ARID3B: variants seen among roughly 807,000 people sequenced by gnomAD.
ARID3B encodes the protein AT-rich interactive domain-containing protein 3B.
In ARID3B, 10 loss-of-function variants were observed where a neutral mutation model predicts 51.9. The ratio of observed to expected loss-of-function variants is 0.19; its 90% CI spans 0.12 to 0.33. The LOEUF (loss-of-function observed/expected upper bound fraction) is 0.33, where lower values mean the gene tolerates loss of function less well. ARID3B is among the 10% of genes least tolerant of loss of function. The pLI is 1.00. For missense variants in ARID3B, 483 were observed against 716.3 expected (o/e 0.67, Z 3.72); for synonymous variants, 205 against 279.5 (o/e 0.73, Z 2.66).
chr15:74,571,447 A>G, intron 2 of ARID3B, among the ~76,000 whole-genome samples: 1 of 152,188 alleles, frequency 6.6e-6, no homozygotes, highest in East Asian at 1.9e-4. Context: ...GGAGAAATGA[A>G]TATGACAGGT....
chr15:74,577,311 T>TA (rs879589906), intron 4 of ARID3B, among the ~76,000 whole-genome samples: 132 of 137,646 alleles, frequency 9.6e-4, no homozygotes, highest in Middle Eastern at 7.3e-3. Context: ...CCCTGTAATT[T>TA]AAAAAAAAAA....
intron 2 of ARID3B, among the ~76,000 whole-genome samples, chr15:74,568,488 GT>G (rs1243297090): frequency 6.6e-6 from 1 of 152,140 alleles, no homozygotes; most frequent in Non-Finnish European, 1.5e-5. Context: ...TTGAGCCATT[GT>G]TTTCCCATTT....
chr15:74,543,823 T>TC (rs1171991560), intron 1 of ARID3B, 37 bp from the exon 2 acceptor site: 14 of 1,388,434 alleles, frequency 1.0e-5, no homozygotes, highest in Non-Finnish European at 1.2e-5. Flanking sequence ...GGTTGTTTTT[T>TC]CCCCCTCCTT....
Position 74,559,342 on chromosome 15 carries a change from G to A in ARID3B, c.553-13520G>A, listed in dbSNP as rs146653009. ...GTTAAATGTTATCCAGCTTTTCTAT[G>A]TGAGGTTTTCTTTGGGGAAGAAGCG... On this transcript the variant is annotated intron_variant, in intron 2 of 8. Transcript: ENST00000346246. Among the ~76,000 whole-genome samples the A allele has an allele frequency of 7.9e-5, 12 of 152,294 alleles. No individual in the cohort carries two copies. In the East Asian group the frequency reaches 2.1e-3, roughly 27 times the overall value.
At position 74,548,295 on chromosome 15, in the gene ARID3B, T is replaced by C. The variant is rs552799121; in HGVS notation, c.552+3807T>C. ...GCTGGGTCTGTCTTGAGCCCATTGGTAGAGCTAGGTTACTAGAAGGGTGTA... is the reference window on the plus strand; with the variant it reads ...GCTGGGTCTGTCTTGAGCCCATTGGCAGAGCTAGGTTACTAGAAGGGTGTA... On this transcript the variant is annotated intron_variant, in intron 2 of 8. Transcript: ENST00000346246. Among the ~76,000 whole-genome samples, 5 of 152,194 alleles carry C rather than the reference T, an allele frequency of 3.3e-5. No individual in the cohort carries two copies. In the South Asian group the frequency reaches 6.2e-4, roughly 19 times the overall value.
chr15:74,558,178 CTTTT>C (rs1208034661), intron 2 of ARID3B, among the ~76,000 whole-genome samples: 2 of 104,672 alleles, frequency 1.9e-5, no homozygotes, highest in African/African-American at 3.9e-5. Context: ...TGGTTTGTGT[CTTTT>C]TTTTTTTTTT....
At chr15:74,579,946 T>A (rs978104503) in intron 4 of ARID3B, among the ~76,000 whole-genome samples, 1 of 152,040 alleles carries the variant, frequency 6.6e-6, no homozygotes, top group African/African-American at 2.4e-5. Flanking sequence ...ATCCCAGCAC[T>A]TTGGGAGGCC....
chr15:74,587,900 G>A (rs965217994), intron 4 of ARID3B, among the ~76,000 whole-genome samples: 2 of 152,116 alleles, frequency 1.3e-5, no homozygotes, highest in African/African-American at 2.4e-5. Context: ...AGGACCAGCA[G>A]GTCAAGATAA....
At chr15:74,553,803 T>TTTTATTTATTTA (rs202077230) in intron 2 of ARID3B, among the ~76,000 whole-genome samples, 2,439 of 150,238 alleles carry the variant, frequency 0.016, 75 homozygotes, top group African/African-American at 0.053. Flanking sequence ...GTTTTTTAAT[T>TTTTATTTATTTA]TTTATTTATT....
chr15:74,571,693 T>C (rs2061719486), intron 2 of ARID3B, among the ~76,000 whole-genome samples: 1 of 152,226 alleles, frequency 6.6e-6, no homozygotes. Context: ...ATGGTGAGGA[T>C]GACAGATACT....
Position 74,573,305 on chromosome 15 carries a change from CAGG to C in ARID3B, c.697+107_697+109del, listed in dbSNP as rs148647541. On this transcript the variant is annotated intron_variant, in intron 4 of 8. Transcript: ENST00000346246. Reference sequence around the variant, plus strand: ...ACATCCTGGCCCACTAATCCTCATCCAGGAGGAGAAGAGGCATTTACTGCCAGT... The same window carrying C: ...ACATCCTGGCCCACTAATCCTCATCCAGGAGAAGAGGCATTTACTGCCAGT... 3,711 of 1,303,356 alleles carry C rather than the reference CAGG, an allele frequency of 2.8e-3. 91 individuals are homozygous for C. The African/African-American group carries it at 0.046, about 16-fold the overall frequency. The allele number at this position is 1,303,356 out of a possible 1,614,324, so 80.7% of individuals were successfully genotyped here.
chr15:74,563,742 G>A (rs2061687421), intron 2 of ARID3B, among the ~76,000 whole-genome samples: 1 of 152,198 alleles, frequency 6.6e-6, no homozygotes, highest in Admixed American at 6.5e-5. Context: ...AAAGGAGCTA[G>A]GACTTACTTA....
chr15:74,579,828 C>CCTGTGT (rs774894759), intron 4 of ARID3B, among the ~76,000 whole-genome samples: 3 of 137,768 alleles, frequency 2.2e-5, no homozygotes, highest in Non-Finnish European at 4.7e-5. Flanking sequence ...CACCTGTTGC[C>CCTGTGT]GTGTGTGTGT....
In ARID3B at chr15:74,562,514, G is replaced by C. The variant is rs188737783; in HGVS notation, c.553-10348G>C. Among the ~76,000 whole-genome samples the C allele has an allele frequency of 2.1e-3, 321 of 152,238 alleles. 1 individual carries two copies. The highest frequency in any genetic ancestry group is 7.4e-3 in the African/African-American group (308 of 41,538). On this transcript the variant is annotated intron_variant, in intron 2 of 8. Coordinates refer to ENST00000346246, the MANE Select transcript of ARID3B (RefSeq NM_006465.4). The stretch of plus-strand genomic sequence containing the variant: ...AAGTATTTTTCTGTTTTCTGAGACA[G>C]GGTCTCACTGTCTCCCGGGGGGAAT...
At chr15:74,589,021 CTTTTTTTTTTTTTTTTT>C (rs900091332) in intron 4 of ARID3B, among the ~76,000 whole-genome samples, 2 of 87,810 alleles carry the variant, frequency 2.3e-5, no homozygotes, top group African/African-American at 9.8e-5. Context: ...CAAGCACACT[CTTTTTTTTTTTTTTTTT>C]TTTTTTTTTT....
rs918939489 is a variant in ARID3B, at chr15:74,585,857, T to C, written c.698-3963T>C. 4.6e-5 allele frequency among the ~76,000 whole-genome samples: 7 copies of C among 152,204 alleles called. No individual in the cohort carries two copies. The East Asian group carries it at 1.3e-3, about 29-fold the overall frequency. On this transcript the variant is annotated intron_variant, in intron 4 of 8. Coordinates refer to ENST00000346246, the MANE Select transcript of ARID3B (RefSeq NM_006465.4). ...TGCAGATTCTGCTTCTCTCAGTTGTTAGAAGAATCAAAGACGCGGCAGGCT... is the reference window on the plus strand; with the variant it reads ...TGCAGATTCTGCTTCTCTCAGTTGTCAGAAGAATCAAAGACGCGGCAGGCT...
intron 2 of ARID3B, among the ~76,000 whole-genome samples, chr15:74,553,169 G>A (rs756228187): frequency 1.3e-5 from 2 of 152,126 alleles, no homozygotes. Flanking sequence ...AGATTCACAG[G>A]GAGTTGAAAG....
In ARID3B at chr15:74,591,757, C is replaced by G. The variant is rs969183637; in HGVS notation, c.1363C>G (p.Arg455Gly). The change falls in exon 7 of 9, where the codon CGC becomes GGC. Residue 455 changes from arginine (R) to glycine (G), a missense_variant. Arg to Gly is a moderately radical substitution (Grantham distance 125). Transcript: ENST00000346246. This position sits in a 1 kb window ranked among gnomAD's most constrained non-coding sequence, Gnocchi z 5.8. The stretch of plus-strand genomic sequence containing the variant: ...GCGCCTGGTGCAGCAGGCCTTCCAG[C>G]GCAACTTTTTCAGCATGGCACGGCA... ...EQRLVQQAFQ[R>G]NFFSMARQLP... The G allele has an allele frequency of 1.2e-6, 2 of 1,614,196 alleles. No individual in the cohort carries two copies. Among genetic ancestry groups the G allele is most frequent in the Non-Finnish European group, 1.7e-6 (2 of 1,180,040 alleles).
At chr15:74,568,332 C>G (rs1567120803) in intron 2 of ARID3B, among the ~76,000 whole-genome samples, 1 of 152,216 alleles carries the variant, frequency 6.6e-6, no homozygotes, top group Admixed American at 6.5e-5. Flanking sequence ...TTCTCCCTTC[C>G]TGATCTCCTT....
Sources: gnomAD v4.1 joint callset for allele counts (sites outside exome capture counted in the v4.1 genomes callset) on GRCh38, gnomAD v4.1.1 for gene constraint, Gnocchi (gnomAD v3.1) non-coding constraint, MANE v1.5 for transcripts, NCBI Gene and HGNC (gene_info 2026-07-23, HGNC 2026-07-21) for gene names.